The following NAA25 variants were observed in gnomAD, a reference collection of about 807,000 sequenced individuals.
NAA25 encodes N-terminal acetyltransferase B complex subunit NAA25.
NAA25 carries 30 observed loss-of-function variants against 132.5 expected under a neutral mutation model. That is an observed-to-expected ratio of 0.23 (90% confidence interval 0.17 to 0.31). The LOEUF is 0.31. Among genes scored for constraint, NAA25 ranks in the 10% least tolerant of loss-of-function variants. The pLI is 1.00. For synonymous variants in NAA25, 359 were observed against 401.9 expected (o/e 0.89, Z 1.28); for missense variants, 771 against 1,150.4 (o/e 0.67, Z 4.77).
At chr12:112,091,632 G>A (rs1237008841) in intron 2 of NAA25, among the ~76,000 whole-genome samples, 1 of 151,806 alleles carries the variant, frequency 6.6e-6, no homozygotes, top group African/African-American at 2.4e-5. Flanking sequence ...GGTCAAAGCT[G>A]CAGTGAGCTG....
chr12:112,069,831 C>A (rs1189120984), intron 10 of NAA25, among the ~76,000 whole-genome samples: 6 of 127,182 alleles, frequency 4.7e-5, no homozygotes, highest in African/African-American at 1.2e-4. Flanking sequence ...AAAAAAAAAA[C>A]AAAACTGTAA....
intron 13 of NAA25, among the ~76,000 whole-genome samples, chr12:112,059,973 A>T (rs2078602665): frequency 6.6e-6 from 1 of 152,124 alleles, no homozygotes; most frequent in Non-Finnish European, 1.5e-5. Context: ...ATGCCCAGCT[A>T]ATTTTTATAT....
rs575429035 is a variant in NAA25 at position 112,078,084 on chromosome 12, AGT to A, written c.664+102_664+103del. ...GGAAGAATATAACAAAATGATCAAAAGTGTTTATGTCTTTATATCCTTATGTG... is the reference window on the plus strand; with the variant it reads ...GGAAGAATATAACAAAATGATCAAAAGTTTATGTCTTTATATCCTTATGTG... On this transcript the variant is annotated intron_variant, in intron 7 of 23. Transcript: ENST00000261745. The A allele has an allele frequency of 5.4e-5, 40 of 735,668 alleles. No individual in the cohort carries two copies. The East Asian group carries it at 9.7e-4, about 18-fold the overall frequency. The allele number at this position is 735,668 out of a possible 1,614,324, so 45.6% of individuals were successfully genotyped here.
intron 1 of NAA25, among the ~76,000 whole-genome samples, chr12:112,104,416 G>T (rs79844358): frequency 0.015 from 2,305 of 152,100 alleles, 55 homozygotes; most frequent in African/African-American, 0.053. Context: ...AGAAAAAAAA[G>T]AAAGAAAAAT....
rs781096563 is a variant in NAA25, at chr12:112,027,180, AAAAC to A, written c.*2347_*2350del. 3 of 152,534 alleles carry A rather than the reference AAAAC, an allele frequency of 2.0e-5. No individual in the cohort carries two copies. Among genetic ancestry groups the A allele is most frequent in the Non-Finnish European group, 2.9e-5 (2 of 68,010 alleles). The allele number at this position is 152,534 out of a possible 1,614,324, so 9.4% of individuals were successfully genotyped here. On this transcript the variant is annotated 3_prime_UTR_variant, in exon 24 of 24. Coordinates refer to ENST00000261745, the MANE Select transcript of NAA25 (RefSeq NM_024953.4). Reference sequence around the variant, plus strand: ...TTTTTAAATATCAGTTTACCACACAAAAACAAACAAAACAAAAAAACCCATACAA... The same window carrying A: ...TTTTTAAATATCAGTTTACCACACAAAAACAAAACAAAAAAACCCATACAA...
rs770804813 is a variant in NAA25, at chr12:112,033,208, T to C, written c.2796+25A>G. 13 of 1,585,922 alleles carry C rather than the reference T, an allele frequency of 8.2e-6. No homozygotes were observed. The South Asian group carries it at 1.2e-4, about 14-fold the overall frequency. ...AGTGTTTGTGTGTGTGTAGAAAACA[T>C]TGCCGATTGCCTACAATCTCTTACC... On this transcript the variant is annotated intron_variant, in intron 23 of 23. Transcript: ENST00000261745.
intron 13 of NAA25, among the ~76,000 whole-genome samples, chr12:112,055,162 A>G (rs1373924486): frequency 6.6e-6 from 1 of 152,224 alleles, no homozygotes; most frequent in Non-Finnish European, 1.5e-5. Flanking sequence ...AGCTTTATAT[A>G]CAAAAATAGT....
intron 11 of NAA25, among the ~76,000 whole-genome samples, chr12:112,063,426 AG>A (rs1261284809): frequency 6.6e-6 from 1 of 152,240 alleles, no homozygotes; most frequent in African/African-American, 2.4e-5. Context: ...AACCAGAGAC[AG>A]AGTCAGAGAC....
At chr12:112,062,726 T>TA (rs756621929) in intron 11 of NAA25, among the ~76,000 whole-genome samples, 1,443 of 138,126 alleles carry the variant, frequency 0.01, 62 homozygotes, top group Admixed American at 0.085. Context: ...AACTCCGTAT[T>TA]AAAAAAAAAA....
In NAA25 at chr12:112,087,746, C is replaced by T. The variant is rs1011907175; in HGVS notation, c.339G>A (p.Glu113=). 6 of 1,614,016 alleles carry T rather than the reference C, an allele frequency of 3.7e-6. No individual in the cohort carries two copies. In the African/African-American group the frequency reaches 6.7e-5, roughly 18 times the overall value. ...CCATGAAGAGGTGAGAGTGATACTC[C>T]TCACTATTGGGAACTTTCTTCACAG... The part of the protein sequence containing the change: ...EAAVKKVPNS[E]EYHSHLFMAY... The change falls in exon 4 of 24, where the codon GAG becomes GAA. Residue 113 remains glutamate (E), a synonymous_variant. Transcript: ENST00000261745.
At chr12:112,086,073 T>TATATATATATATATATATACAC (rs759148501) in intron 4 of NAA25, among the ~76,000 whole-genome samples, 49 of 53,956 alleles carry the variant, frequency 9.1e-4, no homozygotes, top group South Asian at 3.0e-3. Flanking sequence ...TATATATATA[T>TATATATATATATATATATACAC]ACACACACAC....
chr12:112,045,220 A>T (rs1311251051), intron 17 of NAA25, among the ~76,000 whole-genome samples: 1 of 152,074 alleles, frequency 6.6e-6, no homozygotes, highest in Non-Finnish European at 1.5e-5. Context: ...GGCCCGGTGC[A>T]GTGGCTAACG....
intron 1 of NAA25, among the ~76,000 whole-genome samples, chr12:112,104,875 C>G (rs1205783938): frequency 6.6e-6 from 1 of 151,656 alleles, no homozygotes; most frequent in Non-Finnish European, 1.5e-5. Flanking sequence ...AAAAATTAGC[C>G]GGGCATGGTG....
chr12:112,078,814 T>TA, intron 5 of NAA25, 73 bp from the exon 6 acceptor site: 2 of 1,182,930 alleles, frequency 1.7e-6, no homozygotes, highest in Non-Finnish European at 2.5e-6. Flanking sequence ...TTACTGTTAA[T>TA]TGGGCACATA....
chr12:112,097,606 CAAAA>C (rs777633329), intron 1 of NAA25, among the ~76,000 whole-genome samples: 2 of 52,782 alleles, frequency 3.8e-5, no homozygotes. Flanking sequence ...GACTCCGTCT[CAAAA>C]AAAAAAAAAA....
chr12:112,061,977 T>C (rs745624081), intron 11 of NAA25, among the ~76,000 whole-genome samples: 3 of 152,210 alleles, frequency 2.0e-5, no homozygotes, highest in Non-Finnish European at 4.4e-5. Context: ...TAAAATGTTT[T>C]TCATCCTTTA....
At chr12:112,096,705 C>T (rs1002032868) in intron 1 of NAA25, among the ~76,000 whole-genome samples, 17 of 152,286 alleles carry the variant, frequency 1.1e-4, no homozygotes, top group African/African-American at 4.1e-4. Flanking sequence ...ACTGACAGGC[C>T]ATCATTTGTC....
chr12:112,092,682 C>CTT (rs34190578), intron 2 of NAA25, among the ~76,000 whole-genome samples: 2 of 145,104 alleles, frequency 1.4e-5, no homozygotes, highest in African/African-American at 2.5e-5. Context: ...TCTCCCCCCC[C>CTT]TTTTTTTTTT....
chr12:112,074,092 G>A (rs2078857405), intron 9 of NAA25, among the ~76,000 whole-genome samples: 1 of 151,968 alleles, frequency 6.6e-6, no homozygotes, highest in Non-Finnish European at 1.5e-5. Flanking sequence ...CAGCACTTTG[G>A]GAGGCTGAGA....
Sources: allele counts gnomAD v4.1 joint callset (sites outside exome capture counted in the v4.1 genomes callset), GRCh38; gene constraint gnomAD v4.1.1; transcripts MANE v1.5; gene names NCBI Gene and HGNC (gene_info 2026-07-23, HGNC 2026-07-21).